The following RBM46 variants were observed in gnomAD, a reference collection of about 807,000 sequenced individuals.
RBM46 encodes RNA binding motif protein 46.
Under a neutral mutation model 43.3 loss-of-function variants are expected in RBM46, and 12 were observed. That is an observed-to-expected ratio of 0.28 (90% CI 0.18 to 0.45). The LOEUF is 0.45. Among genes scored for constraint, RBM46 ranks in the 20% least tolerant of loss-of-function variants. RBM46 has a pLI of 1.00. For synonymous variants in RBM46, 205 were observed against 207.6 expected (o/e 0.99, Z 0.11); for missense variants, 412 against 639.1 (o/e 0.64, Z 3.83).
chr4:154,799,697 A>T, intron 4 of RBM46, 133 bp downstream of exon 4: 1 of 591,980 alleles, frequency 1.7e-6, no homozygotes, highest in Non-Finnish European at 2.6e-6. Context: ...AATTTTATAA[A>T]GTCATGATAA....
chr4:154,806,798 A>G (rs997247166), intron 4 of RBM46, among the ~76,000 whole-genome samples: 1 of 151,940 alleles, frequency 6.6e-6, no homozygotes, highest in African/African-American at 2.4e-5. Context: ...CAAGTTAACT[A>G]CTTAAAAGTT....
chr4:154,798,521 A>G (rs1435303898), intron 3 of RBM46, among the ~76,000 whole-genome samples: 1 of 152,212 alleles, frequency 6.6e-6, no homozygotes, highest in African/African-American at 2.4e-5. Context: ...GTTGTTTAAT[A>G]AAAATCCAAA....
Position 154,799,082 on chromosome 4 carries a change from A to C in RBM46, c.920A>C (p.Lys307Thr). Residue 307 changes from lysine to threonine, a missense_variant, in exon 4 of 5, where the codon AAA becomes ACA. This residue lies in a region of RBM46 where 105 missense variants were observed against 111.0 expected (regional missense o/e 0.95). Transcript: ENST00000281722. ...DGASIEVTLA[K>T]PVNKENTWRQ... Reference sequence around the variant, plus strand: ...GCAAGTATTGAGGTAACACTAGCTAAACCAGTAAATAAAGAAAACACTTGG... The same window carrying C: ...GCAAGTATTGAGGTAACACTAGCTACACCAGTAAATAAAGAAAACACTTGG... 1 of 1,614,074 alleles carries C rather than the reference A, an allele frequency of 6.2e-7. No homozygotes were observed. Among genetic ancestry groups the C allele is most frequent in the Non-Finnish European group, 8.5e-7 (1 of 1,180,000 alleles).
intron 4 of RBM46, chr4:154,827,071 G>C: frequency 8.7e-7 from 1 of 1,152,730 alleles, no homozygotes; most frequent in African/African-American, 1.6e-5. Context: ...TTAAAAATTT[G>C]GTCTGTAATA....
chr4:154,801,305 A>G (rs1441641260), intron 4 of RBM46, among the ~76,000 whole-genome samples: 1 of 152,154 alleles, frequency 6.6e-6, no homozygotes, highest in East Asian at 1.9e-4. Context: ...GTGGGACTAA[A>G]GGTAAGGTTC....
rs1736076764 is a variant in RBM46 at position 154,828,696 on chromosome 4, GT to G, written c.*634del. On this transcript the variant is annotated 3_prime_UTR_variant, in exon 5 of 5. Coordinates refer to ENST00000281722, the MANE Select transcript of RBM46 (RefSeq NM_144979.5). ...TAAGCATTTTATAGTTATGCTTTGT[GT>G]TTTTGATATTCTTTGTATTGTTAAT... The G allele has an allele frequency of 6.6e-6, 1 of 152,482 alleles. No individual in the cohort carries two copies. The highest frequency in any genetic ancestry group is 6.6e-5 in the Admixed American group (1 of 15,254). The allele number at this position is 152,482 out of a possible 1,614,324, so 9.4% of individuals were successfully genotyped here.
At position 154,798,923 on chromosome 4, in the gene RBM46, C is replaced by G; in HGVS notation, c.761C>G (p.Ala254Gly). The change falls in exon 4 of 5, where the codon GCA becomes GGA. Residue 254 changes from alanine to glycine, a missense_variant. Physicochemically the swap from Ala to Gly is moderately conservative, Grantham distance 60. Transcript: ENST00000281722. ...MISTTEETIK[A>G]EFNKFKPGAV... The stretch of plus-strand genomic sequence containing the variant: ...TCAACTACAGAGGAAACAATTAAAG[C>G]AGAATTCAATAAATTTAAGCCTGGT... 1.9e-6 allele frequency: 3 copies of G among 1,613,312 alleles called. No homozygotes were observed. The highest frequency in any genetic ancestry group is 1.7e-6 in the Non-Finnish European group (2 of 1,179,722).
chr4:154,822,135 TA>T (rs1735748058), intron 4 of RBM46, among the ~76,000 whole-genome samples: 2 of 151,812 alleles, frequency 1.3e-5, no homozygotes, highest in South Asian at 4.1e-4. Flanking sequence ...TGCCCATACT[TA>T]AAGTGTACAA....
chr4:154,807,615 C>A (rs905297398), intron 4 of RBM46, among the ~76,000 whole-genome samples: 19 of 151,816 alleles, frequency 1.3e-4, no homozygotes, highest in African/African-American at 3.6e-4. Flanking sequence ...TCTGCCCTTA[C>A]TAGTTAATAT....
chr4:154,792,945 G>C (rs530229471), intron 1 of RBM46, among the ~76,000 whole-genome samples: 2 of 152,270 alleles, frequency 1.3e-5, no homozygotes, highest in African/African-American at 2.4e-5. Flanking sequence ...AGTAGCACAT[G>C]CTCTTGATAA....
rs1207181823 is a variant in RBM46 at position 154,799,373 on chromosome 4, A to G, written c.1211A>G (p.Lys404Arg). Residue 404 changes from lysine to arginine, a missense_variant, in exon 4 of 5, where the codon AAA becomes AGA. Transcript: ENST00000281722. Reference sequence around the variant, plus strand: ...ATGCATTTGGATTATTACTGCAACAAAAATAACTGGGCACCACCAGAATAT... The same window carrying G: ...ATGCATTTGGATTATTACTGCAACAGAAATAACTGGGCACCACCAGAATAT... ...AVMHLDYYCN[K>R]NNWAPPEYYL... is the part of the protein sequence containing the mutation. 3.7e-6 allele frequency: 6 copies of G among 1,613,948 alleles called. No individual in the cohort carries two copies. Among genetic ancestry groups the G allele is most frequent in the Non-Finnish European group, 5.1e-6 (6 of 1,179,966 alleles).
Position 154,797,793 on chromosome 4 carries a change from T to C in RBM46, c.152-18T>C. 2 of 1,453,044 alleles carry C rather than the reference T, an allele frequency of 1.4e-6. No individual in the cohort carries two copies. The highest frequency in any genetic ancestry group is 1.8e-4 in the Middle Eastern group (1 of 5,488). 90.0% of individuals were successfully genotyped at this position (1,453,044 alleles called of 1,614,324 possible). On this transcript the variant is annotated intron_variant, in intron 2 of 4. Coordinates refer to ENST00000281722, the MANE Select transcript of RBM46 (RefSeq NM_144979.5). The stretch of plus-strand genomic sequence containing the variant: ...TATCCAATTAGAATTTATGTGTCTT[T>C]TCATTTTTGTCGTTCAGGTTGGGAA...
chr4:154,787,918 A>C (rs535441474), intron 1 of RBM46, among the ~76,000 whole-genome samples: 1 of 152,048 alleles, frequency 6.6e-6, no homozygotes, highest in Non-Finnish European at 1.5e-5. Context: ...TTTGATTTGC[A>C]TTTCTCTGAT....
At chr4:154,823,893 A>G (rs1735832711) in intron 4 of RBM46, among the ~76,000 whole-genome samples, 1 of 152,056 alleles carries the variant, frequency 6.6e-6, no homozygotes, top group Admixed American at 6.6e-5. Context: ...ACACACCACC[A>G]GAATCTTTCT....
At chr4:154,793,029 C>T (rs1189920638) in intron 1 of RBM46, among the ~76,000 whole-genome samples, 5 of 152,172 alleles carry the variant, frequency 3.3e-5, no homozygotes, top group Admixed American at 2.6e-4. Context: ...CAGTAAAGTT[C>T]CTTGTAAATT....
rs183233 is a variant in RBM46, at chr4:154,800,096, C to T, written c.1402+532C>T. Among the ~76,000 whole-genome samples the T allele has an allele frequency of 4.6e-3, 701 of 152,174 alleles. 10 individuals are homozygous for T. Among genetic ancestry groups the T allele is most frequent in the African/African-American group, 0.016 (661 of 41,514 alleles). Reference sequence around the variant, plus strand: ...TACATTTAGCTTTTTAAGCATTAACCTGTGGGAAAATTTGGTTTTACTGTA... The same window carrying T: ...TACATTTAGCTTTTTAAGCATTAACTTGTGGGAAAATTTGGTTTTACTGTA... On this transcript the variant is annotated intron_variant, in intron 4 of 4. Coordinates refer to ENST00000281722, the MANE Select transcript of RBM46 (RefSeq NM_144979.5).
At chr4:154,827,367 T>A (rs2111229601) in intron 4 of RBM46, 1 of 982,924 alleles carries the variant, frequency 1.0e-6, no homozygotes, top group Admixed American at 6.1e-5. Context: ...TTTATATTAG[T>A]ATTTAAATAA....
intron 2 of RBM46, 84 bp from the exon 3 acceptor site, chr4:154,797,727 A>G: frequency 1.0e-6 from 1 of 958,204 alleles, no homozygotes; most frequent in East Asian, 2.5e-5. Flanking sequence ...ATAGCACAGC[A>G]AATTTGTTGA....
At chr4:154,813,555 A>C (rs1330359660) in intron 4 of RBM46, among the ~76,000 whole-genome samples, 1 of 152,048 alleles carries the variant, frequency 6.6e-6, no homozygotes, top group African/African-American at 2.4e-5. Context: ...GCAATTTTTA[A>C]ATTTCTTTTA....
Sources: gnomAD v4.1 joint callset for allele counts (sites outside exome capture counted in the v4.1 genomes callset) on GRCh38, gnomAD v4.1.1 for gene constraint, gnomAD v4.1.1 regional missense constraint, MANE v1.5 for transcripts, NCBI Gene and HGNC (gene_info 2026-07-23, HGNC 2026-07-21) for gene names.